Variants in ZBTB20 observed in about 807,000 individuals in gnomAD.
ZBTB20 encodes zinc finger and BTB domain-containing protein 20.
ZBTB20 carries 9 observed loss-of-function variants against 56.9 expected under a neutral mutation model. The ratio of observed to expected loss-of-function variants is 0.16; its 90% confidence interval spans 0.10 to 0.28. The LOEUF (loss-of-function observed/expected upper bound fraction) is 0.28, where lower values mean the gene tolerates loss of function less well. ZBTB20 is among the 10% of genes least tolerant of loss of function. The pLI, the probability that ZBTB20 is intolerant of heterozygous loss-of-function variation, is 1.00. For missense variants in ZBTB20, 655 were observed against 1,003.0 expected, an observed-to-expected ratio of 0.65 and a Z score of 4.69; for synonymous variants, 417 against 420.7, an observed-to-expected ratio of 0.99 and a Z score of 0.11.
intron 6 of ZBTB20, among the ~76,000 whole-genome samples, chr3:114,587,751 C>T (rs1025388753): frequency 3.3e-5 from 5 of 152,164 alleles, no homozygotes; most frequent in Non-Finnish European, 5.9e-5. Flanking sequence ...TCCACTGCCT[C>T]CAGAAGCCTT....
At position 114,350,878 on chromosome 3, in the gene ZBTB20, C is replaced by A; in HGVS notation, c.1200G>T (p.Arg400=). The A allele has an allele frequency of 1.9e-6, 3 of 1,608,370 alleles. No individual in the cohort carries two copies. Among genetic ancestry groups the A allele is most frequent in the African/African-American group, 1.3e-5 (1 of 74,988 alleles). ...GTTGGGTGGGTTCAGCCTGGCTGTC[C>A]CGCGCCGCCCCAGGCCCAAACTGCT... is the stretch of plus-strand genomic sequence containing the variant. ...VEQQFGPGAA[R]DSQAEPTQPE... The change falls in exon 11 of 12, where the codon CGG becomes CGT. Residue 400 remains arginine (R), a synonymous_variant. Transcript: ENST00000675478.
At position 114,489,776 on chromosome 3, in the gene ZBTB20, C is replaced by A. The variant is rs995924654; in HGVS notation, c.-255+10576G>T. 3.9e-5 allele frequency among the ~76,000 whole-genome samples: 6 copies of A among 152,140 alleles called. 1 individual carries two copies. Among genetic ancestry groups the A allele is most frequent in the African/African-American group, 1.4e-4 (6 of 41,440 alleles). Reference sequence around the variant, plus strand: ...GCTCGACAGCTGCCAAATTTTACCCCAGATGTATCAGCAATTTAGCTTTTA... The same window carrying A: ...GCTCGACAGCTGCCAAATTTTACCCAAGATGTATCAGCAATTTAGCTTTTA... On this transcript the variant is annotated intron_variant, in intron 7 of 11. Coordinates refer to ENST00000675478, the MANE Select transcript of ZBTB20 (RefSeq NM_001348800.3).
chr3:114,577,901 A>G (rs1011210370), intron 6 of ZBTB20, among the ~76,000 whole-genome samples: 1 of 152,248 alleles, frequency 6.6e-6, no homozygotes, highest in African/African-American at 2.4e-5. Flanking sequence ...CATGTGAACA[A>G]AACGAAACAA....
intron 2 of ZBTB20, among the ~76,000 whole-genome samples, chr3:115,044,571 T>G (rs1212092562): frequency 2.6e-5 from 4 of 152,208 alleles, no homozygotes; most frequent in Non-Finnish European, 5.9e-5. Context: ...AAAATGAAAT[T>G]GGTTATTATC....
chr3:114,880,734 T>C (rs572544476), intron 4 of ZBTB20, among the ~76,000 whole-genome samples: 1 of 152,246 alleles, frequency 6.6e-6, no homozygotes, highest in South Asian at 2.1e-4. Context: ...TGGAATACTA[T>C]ATAATCAATT....
At chr3:115,128,758 A>AGGGAAGGGAT (rs2084414819) in intron 1 of ZBTB20, among the ~76,000 whole-genome samples, 2 of 64,204 alleles carry the variant, frequency 3.1e-5, no homozygotes, top group African/African-American at 1.2e-4. Context: ...AGGGGAGGGG[A>AGGGAAGGGAT]GGGAAGGGAT....
At chr3:114,765,995 T>C (rs1257738440) in intron 5 of ZBTB20, among the ~76,000 whole-genome samples, 1 of 152,222 alleles carries the variant, frequency 6.6e-6, no homozygotes, top group Non-Finnish European at 1.5e-5. Context: ...TTATTTTTAT[T>C]TGTTTGTTTA....
intron 4 of ZBTB20, among the ~76,000 whole-genome samples, chr3:114,888,762 C>A (rs1440055655): frequency 6.6e-6 from 1 of 152,122 alleles, no homozygotes. Flanking sequence ...GAATTGTCTC[C>A]TGATATACAA....
rs142770873 is a variant in ZBTB20, at chr3:114,511,236, T to C, written c.-294-10845A>G. Among the ~76,000 whole-genome samples, 310 of 151,956 alleles carry C rather than the reference T, an allele frequency of 2.0e-3. 2 individuals carry two copies. The highest frequency in any genetic ancestry group is 3.6e-3 in the Non-Finnish European group (243 of 67,940). ...GCTAAGAATCTCATTGGATAAATCA[T>C]AGAAATACATCCTGGCCAGATAAAT... On this transcript the variant is annotated intron_variant, in intron 6 of 11. Coordinates refer to ENST00000675478, the MANE Select transcript of ZBTB20 (RefSeq NM_001348800.3).
chr3:114,420,991 C>G (rs2089112434), intron 7 of ZBTB20, among the ~76,000 whole-genome samples: 1 of 152,110 alleles, frequency 6.6e-6, no homozygotes, highest in Admixed American at 6.6e-5. Flanking sequence ...ACCATACCAT[C>G]ATTTGCTAAA....
chr3:114,834,581 T>C (rs1013489441), intron 4 of ZBTB20, among the ~76,000 whole-genome samples: 4 of 152,152 alleles, frequency 2.6e-5, no homozygotes, highest in African/African-American at 9.7e-5. Flanking sequence ...GCTAAAATAT[T>C]TTATTTTAGG....
At chr3:114,694,111 G>T (rs545071382) in intron 5 of ZBTB20, among the ~76,000 whole-genome samples, 36 of 151,950 alleles carry the variant, frequency 2.4e-4, no homozygotes, top group Non-Finnish European at 5.0e-4. Context: ...TGAGTTATTG[G>T]CCTTATCCTC....
At chr3:114,750,848 T>C (rs1177114179) in intron 5 of ZBTB20, among the ~76,000 whole-genome samples, 1 of 152,214 alleles carries the variant, frequency 6.6e-6, no homozygotes, top group East Asian at 1.9e-4. Flanking sequence ...TCCAAGTTAA[T>C]TCCCTTTGTC....
intron 5 of ZBTB20, among the ~76,000 whole-genome samples, chr3:114,776,796 A>T (rs2069637331): frequency 6.6e-6 from 1 of 152,222 alleles, no homozygotes; most frequent in Non-Finnish European, 1.5e-5. Context: ...GATACTGGAG[A>T]TATTAAGGGC....
intron 7 of ZBTB20, among the ~76,000 whole-genome samples, chr3:114,395,267 T>C (rs2086232643): frequency 6.6e-6 from 1 of 152,098 alleles, no homozygotes; most frequent in Non-Finnish European, 1.5e-5. Context: ...GAGGTCATTG[T>C]GGGGAATACA....
At chr3:114,938,980 G>A (rs571014567) in intron 3 of ZBTB20, among the ~76,000 whole-genome samples, 2 of 144,932 alleles carry the variant, frequency 1.4e-5, no homozygotes, top group Admixed American at 1.3e-4. Flanking sequence ...TCTAGTATTG[G>A]GCAGAAATGT....
At chr3:114,549,243 T>C (rs2050260842) in intron 6 of ZBTB20, among the ~76,000 whole-genome samples, 1 of 152,216 alleles carries the variant, frequency 6.6e-6, no homozygotes, top group Admixed American at 6.5e-5. Context: ...AGTTCTTTTC[T>C]TAAGCAGGCC....
chr3:114,879,031 T>A (rs1191192575), intron 4 of ZBTB20, among the ~76,000 whole-genome samples: 1 of 152,188 alleles, frequency 6.6e-6, no homozygotes, highest in African/African-American at 2.4e-5. Context: ...GTGCTGCAAA[T>A]GGTCATGGGA....
rs74830717 is a variant in ZBTB20 at position 114,847,152 on chromosome 3, G to A, written c.-416-45978C>T. On this transcript the variant is annotated intron_variant, in intron 4 of 11. Transcript: ENST00000675478. ...TGTGAGCCATGATTATAAAGGAATCGGACTAATTTTTTAAACAAATCTATA... is the reference window on the plus strand; with the variant it reads ...TGTGAGCCATGATTATAAAGGAATCAGACTAATTTTTTAAACAAATCTATA... 1.2e-4 allele frequency among the ~76,000 whole-genome samples: 18 copies of A among 152,032 alleles called. 1 individual carries two copies. In the East Asian group the frequency reaches 3.3e-3, roughly 28 times the overall value.
Sources: gnomAD v4.1 joint callset for allele counts (sites outside exome capture counted in the v4.1 genomes callset) on GRCh38, gnomAD v4.1.1 for gene constraint, MANE v1.5 for transcripts, NCBI Gene and HGNC (gene_info 2026-07-23, HGNC 2026-07-21) for gene names.